NRF1: variants seen among roughly 807,000 people sequenced by gnomAD.
The protein encoded by NRF1 is alpha palindromic-binding protein.
Under a neutral mutation model 58.5 loss-of-function variants are expected in NRF1, and 5 were observed. The ratio of observed to expected loss-of-function variants is 0.09; its 90% confidence interval spans 0.04 to 0.18. The LOEUF (loss-of-function observed/expected upper bound fraction) is 0.18, where lower values mean the gene tolerates loss of function less well. Ranked by LOEUF, NRF1 falls within the 10% of genes least tolerant of loss-of-function variation. The pLI is 1.00. For missense variants in NRF1, 288 were observed against 657.7 expected (o/e 0.44, Z 6.15); for synonymous variants, 224 against 246.7 (o/e 0.91, Z 0.86).
Position 129,756,182 on chromosome 7 carries a change from C to G in NRF1, c.*1001C>G, listed in dbSNP as rs1331490451. On this transcript the variant is annotated 3_prime_UTR_variant, in exon 11 of 11. Transcript: ENST00000393232. Reference sequence around the variant, plus strand: ...GGAAGGAAAGAAAAATCGTCCTAGACCAGGATACACCCGTGGGAGCAATTT... The same window carrying G: ...GGAAGGAAAGAAAAATCGTCCTAGAGCAGGATACACCCGTGGGAGCAATTT... The G allele has an allele frequency of 6.6e-6, 1 of 152,172 alleles. No homozygotes were observed. Among genetic ancestry groups the G allele is most frequent in the Admixed American group, 6.5e-5 (1 of 15,268 alleles). 9.4% of individuals were successfully genotyped at this position (152,172 alleles called of 1,614,324 possible). A position where few individuals can be genotyped will look rare whatever the true frequency, so the allele number is the denominator to read the frequency against.
chr7:129,704,145 C>T (rs1802898017), intron 5 of NRF1, among the ~76,000 whole-genome samples: 2 of 151,244 alleles, frequency 1.3e-5, no homozygotes, highest in African/African-American at 4.9e-5. Context: ...AAGGACCGAG[C>T]AGAACAAGGC....
chr7:129,651,535 C>G (rs1187366514), intron 1 of NRF1, among the ~76,000 whole-genome samples: 1 of 152,058 alleles, frequency 6.6e-6, no homozygotes, highest in African/African-American at 2.4e-5. Flanking sequence ...CCTATTGATT[C>G]ATGCTGTGAA....
intron 5 of NRF1, among the ~76,000 whole-genome samples, chr7:129,703,147 C>T (rs1802871945): frequency 6.6e-6 from 1 of 151,908 alleles, no homozygotes; most frequent in Non-Finnish European, 1.5e-5. Context: ...ATTTGATATC[C>T]TTATCTTTGC....
chr7:129,673,532 A>G lies in NRF1; in HGVS notation c.338+1989A>G, dbSNP rs1464088585. 7.9e-5 allele frequency among the ~76,000 whole-genome samples: 12 copies of G among 151,050 alleles called. No individual in the cohort carries two copies. In the East Asian group the frequency reaches 2.2e-3, roughly 28 times the overall value. ...ATCACGAGGTCAGGAGATCGAGACC[A>G]TGGTGAAACCTCGTCTCTACTAAAA... On this transcript the variant is annotated intron_variant, in intron 3 of 10. Coordinates refer to ENST00000393232, the MANE Select transcript of NRF1 (RefSeq NM_005011.5).
intron 4 of NRF1, among the ~76,000 whole-genome samples, chr7:129,683,089 G>C (rs1306176465): frequency 6.6e-6 from 1 of 151,538 alleles, no homozygotes; most frequent in African/African-American, 2.4e-5. Context: ...TTTTAGTACA[G>C]ACAGGGTTTC....
intron 3 of NRF1, among the ~76,000 whole-genome samples, chr7:129,673,716 C>CA (rs542854064): frequency 0.79 from 78,443 of 99,144 alleles, 31,528 homozygotes; most frequent in South Asian, 0.85. Context: ...GACTCCGTCT[C>CA]AAAAAAAAAA....
chr7:129,614,252 A>T (rs1450734718), intron 1 of NRF1, among the ~76,000 whole-genome samples: 2 of 152,014 alleles, frequency 1.3e-5, no homozygotes, highest in Admixed American at 1.3e-4. Flanking sequence ...AGTAGCTGGG[A>T]TTACAGGCGT....
At chr7:129,637,867 T>TTTA (rs1441177651) in intron 1 of NRF1, among the ~76,000 whole-genome samples, 1 of 151,448 alleles carries the variant, frequency 6.6e-6, no homozygotes. Context: ...TGTGATTTTA[T>TTTA]TTTTTGTTTT....
Position 129,702,363 on chromosome 7 carries a change from A to C in NRF1, c.607-6712A>C, listed in dbSNP as rs917977706. On this transcript the variant is annotated intron_variant, in intron 5 of 10. Transcript: ENST00000393232. Reference sequence around the variant, plus strand: ...GAGTGTCTCCATTGACTGGCCTTCAAATTCACTAATTCTGAAGTTACGTTG... The same window carrying C: ...GAGTGTCTCCATTGACTGGCCTTCACATTCACTAATTCTGAAGTTACGTTG... 2.0e-5 allele frequency among the ~76,000 whole-genome samples: 3 copies of C among 152,168 alleles called. No individual in the cohort carries two copies. The East Asian group carries it at 5.8e-4, about 29-fold the overall frequency.
chr7:129,636,677 CTT>C (rs1222479548), intron 1 of NRF1, among the ~76,000 whole-genome samples: 1 of 152,314 alleles, frequency 6.6e-6, no homozygotes, highest in East Asian at 1.9e-4. Flanking sequence ...TTTTCTGTCT[CTT>C]TTCAGTTTCG....
intron 1 of NRF1, among the ~76,000 whole-genome samples, chr7:129,614,605 C>T (rs751488094): frequency 2.0e-5 from 3 of 151,950 alleles, no homozygotes; most frequent in Admixed American, 1.3e-4. Context: ...GCAAGTGCCA[C>T]CGTGCTGGCA....
intron 1 of NRF1, among the ~76,000 whole-genome samples, chr7:129,619,459 CGTGTGTGT>C (rs199945725): frequency 3.8e-4 from 23 of 61,152 alleles, no homozygotes; most frequent in African/African-American, 1.0e-3. Context: ...TATATATACA[CGTGTGTGT>C]GTGTGTGTGT....
At position 129,755,259 on chromosome 7, in the gene NRF1, A is replaced by G; in HGVS notation, c.*78A>G. ...CGTTTGCAGAGGTGCAATCAAATGGAATTAAGTCTCTCGACTTTGGAAGGA... is the reference window on the plus strand; with the variant it reads ...CGTTTGCAGAGGTGCAATCAAATGGGATTAAGTCTCTCGACTTTGGAAGGA... On this transcript the variant is annotated 3_prime_UTR_variant, in exon 11 of 11. Transcript: ENST00000393232. This position sits in a 1 kb window ranked among gnomAD's most constrained non-coding sequence, Gnocchi z 5.8. 1 of 1,257,104 alleles carries G rather than the reference A, an allele frequency of 8.0e-7. No individual in the cohort carries two copies. Among genetic ancestry groups the G allele is most frequent in the Non-Finnish European group, 1.1e-6 (1 of 950,822 alleles). 77.9% of individuals were successfully genotyped at this position (1,257,104 alleles called of 1,614,324 possible).
At position 129,657,412 on chromosome 7, in the gene NRF1, G is replaced by T; in HGVS notation, c.61G>T (p.Ala21Ser). 1.9e-6 allele frequency: 3 copies of T among 1,614,038 alleles called. No individual in the cohort carries two copies. In the South Asian group the frequency reaches 3.3e-5, roughly 18 times the overall value. The change falls in exon 2 of 11, where the codon GCC becomes TCC. Residue 21 changes from alanine (A) to serine (S), a missense_variant. By Grantham distance (99) the Ala-to-Ser change is moderately conservative. Around this residue, in one of 3 missense-constraint regions of NRF1, gnomAD observed 48 missense variants for 65.5 expected, o/e 0.73. Coordinates refer to ENST00000393232, the MANE Select transcript of NRF1 (RefSeq NM_005011.5). ...HMATIEAHAV[A>S]QQVQQVHVAT... ...GGCTACCATAGAAGCACATGCAGTG[G>T]CCCAGCAAGTGCAGCAGGTCCATGT...
At chr7:129,632,130 C>A (rs888523480) in intron 1 of NRF1, among the ~76,000 whole-genome samples, 1 of 152,034 alleles carries the variant, frequency 6.6e-6, no homozygotes, top group African/African-American at 2.4e-5. Flanking sequence ...TAAAAATTAG[C>A]TGAGCGTGGG....
At chr7:129,692,917 C>G (rs1802604463) in intron 5 of NRF1, among the ~76,000 whole-genome samples, 1 of 152,108 alleles carries the variant, frequency 6.6e-6, no homozygotes, top group Non-Finnish European at 1.5e-5. Flanking sequence ...CTTGATTATC[C>G]CACCTAAATG....
intron 9 of NRF1, among the ~76,000 whole-genome samples, chr7:129,719,225 C>T (rs1354030982): frequency 2.6e-5 from 4 of 151,852 alleles, no homozygotes; most frequent in Non-Finnish European, 4.4e-5. Flanking sequence ...CTCCGCCTGC[C>T]GGGTTCAAGT....
intron 1 of NRF1, among the ~76,000 whole-genome samples, chr7:129,649,849 G>C (rs1015094156): frequency 1.3e-5 from 2 of 152,158 alleles, no homozygotes; most frequent in African/African-American, 2.4e-5. Flanking sequence ...GTCCTCCCAG[G>C]CTCAAGCAAT....
At chr7:129,704,837 G>A (rs12537627) in intron 5 of NRF1, among the ~76,000 whole-genome samples, 19,466 of 152,162 alleles carry the variant, frequency 0.13, 1,603 homozygotes, top group Admixed American at 0.23. Context: ...CTTCAAATTA[G>A]GGATGCTCAA....
Sources: allele counts gnomAD v4.1 joint callset (sites outside exome capture counted in the v4.1 genomes callset), GRCh38; gene constraint gnomAD v4.1.1; regional missense constraint gnomAD v4.1.1; non-coding constraint Gnocchi (gnomAD v3.1); transcripts MANE v1.5; gene names NCBI Gene and HGNC (gene_info 2026-07-23, HGNC 2026-07-21).